KIAA2012: variants seen among roughly 807,000 people sequenced by gnomAD.
KIAA2012 encodes the protein KIAA2012, also known as uncharacterized protein KIAA2012.
Under a neutral mutation model 150.6 loss-of-function variants are expected in KIAA2012, and 125 were observed. The observed-to-expected ratio is 0.83, with a 90% CI of 0.72 to 0.96. The LOEUF is 0.96. KIAA2012 is among the 40% of genes least tolerant of loss of function. The pLI is 0.00. For missense variants in KIAA2012, 1,219 were observed against 1,354.9 expected, an observed-to-expected ratio of 0.90 and a Z score of 1.57; for synonymous variants, 462 against 504.7, an observed-to-expected ratio of 0.92 and a Z score of 1.13.
chr2:202,081,989 T>A (rs1397135873), intron 2 of KIAA2012, among the ~76,000 whole-genome samples: 1 of 152,070 alleles, frequency 6.6e-6, no homozygotes. Context: ...TGAAAAAAAA[T>A]TTCTTTTATT....
rs761018715 is a variant in KIAA2012 at position 202,194,173 on chromosome 2, A to G, written c.3015-17A>G. On this transcript the variant is annotated splice_polypyrimidine_tract_variant and intron_variant, in intron 20 of 23. Transcript: ENST00000498697. ...AGTGTTTTCTGCCATTTCCCTGACC[A>G]TCTTGGGTTTTCTCAGCTTGAGGAA... 23 of 1,550,064 alleles carry G rather than the reference A, an allele frequency of 1.5e-5. No homozygotes were observed. In the East Asian group the frequency reaches 4.2e-4, roughly 28 times the overall value.
At chr2:202,086,521 C>A (rs982524355) in intron 2 of KIAA2012, among the ~76,000 whole-genome samples, 7 of 152,214 alleles carry the variant, frequency 4.6e-5, no homozygotes, top group African/African-American at 1.7e-4. Flanking sequence ...ACCATCCTCT[C>A]TATAATTCTT....
At chr2:202,133,130 A>ATATATTTTTTTTTTTTTTTTTTT (rs1279080237) in intron 12 of KIAA2012, among the ~76,000 whole-genome samples, 3 of 67,774 alleles carry the variant, frequency 4.4e-5, no homozygotes, top group Admixed American at 1.8e-4. Context: ...ATATATATAT[A>ATATATTTTTTTTTTTTTTTTTTT]TTTTTTTTTT....
At chr2:202,112,951 G>A (rs1690410514) in intron 10 of KIAA2012, among the ~76,000 whole-genome samples, 1 of 152,170 alleles carries the variant, frequency 6.6e-6, no homozygotes, top group South Asian at 2.1e-4. Flanking sequence ...GAGGCGGACA[G>A]CAGAGGCAGG....
chr2:202,156,851 C>G (rs1691539182), intron 14 of KIAA2012, among the ~76,000 whole-genome samples: 1 of 152,114 alleles, frequency 6.6e-6, no homozygotes, highest in South Asian at 2.1e-4. Context: ...CGCCACTGCA[C>G]TCCAGCCTGG....
chr2:202,132,692 GTATGTATATATATATGTA>G (rs1690964115), intron 12 of KIAA2012, among the ~76,000 whole-genome samples: 1 of 60,034 alleles, frequency 1.7e-5, no homozygotes, highest in Admixed American at 2.1e-4. Context: ...ATATATATAT[GTATGTATATATATATGTA>G]TATATGTATA....
intron 2 of KIAA2012, among the ~76,000 whole-genome samples, chr2:202,089,052 G>A (rs1280107184): frequency 6.6e-6 from 1 of 152,110 alleles, no homozygotes; most frequent in Non-Finnish European, 1.5e-5. Context: ...GTGCTTTTTG[G>A]ACCCACTTGA....
At chr2:202,083,982 G>T (rs1288666044) in intron 2 of KIAA2012, among the ~76,000 whole-genome samples, 1 of 152,144 alleles carries the variant, frequency 6.6e-6, no homozygotes, top group Non-Finnish European at 1.5e-5. Context: ...AGATAAGTAG[G>T]GTGAGACCTT....
intron 4 of KIAA2012, among the ~76,000 whole-genome samples, chr2:202,094,912 A>G (rs1265339848): frequency 6.6e-6 from 1 of 152,206 alleles, no homozygotes; most frequent in African/African-American, 2.4e-5. Context: ...AGCTGTCACA[A>G]TCAGGCAGAA....
At chr2:202,177,089 CG>C (rs1429318584) in intron 15 of KIAA2012, among the ~76,000 whole-genome samples, 1 of 152,004 alleles carries the variant, frequency 6.6e-6, no homozygotes, top group African/African-American at 2.4e-5. Context: ...ATTTATACAA[CG>C]GAATACTATA....
intron 14 of KIAA2012, among the ~76,000 whole-genome samples, chr2:202,163,045 T>G (rs1691690235): frequency 6.6e-6 from 1 of 152,094 alleles, no homozygotes; most frequent in African/African-American, 2.4e-5. Flanking sequence ...ATTTAGGCTG[T>G]TTCCAATCTG....
chr2:202,171,418 T>C (rs1691889542), intron 15 of KIAA2012, among the ~76,000 whole-genome samples: 1 of 151,970 alleles, frequency 6.6e-6, no homozygotes, highest in African/African-American at 2.4e-5. Context: ...ATGGCTTCAA[T>C]AGCGCCGCTC....
At chr2:202,159,692 A>C (rs996097259) in intron 14 of KIAA2012, among the ~76,000 whole-genome samples, 1 of 152,152 alleles carries the variant, frequency 6.6e-6, no homozygotes, top group Non-Finnish European at 1.5e-5. Flanking sequence ...AATATAAAAA[A>C]TTAGCCGGGC....
chr2:202,100,440 G>A lies in KIAA2012; in HGVS notation c.1146G>A (p.Lys382=). The stretch of plus-strand genomic sequence containing the variant: ...GAATAATCACCCCTGGGGAAGTGAA[G>A]AAGAAAAAGGTTGTGTGTATATGTA... ...GSRIITPGEV[K]KKKAPKALKL... The change falls in exon 7 of 24, where the codon AAG becomes AAA. Residue 382 remains lysine, a synonymous_variant. Coordinates refer to ENST00000498697, the MANE Select transcript of KIAA2012 (RefSeq NM_001277372.4). 5 of 1,549,656 alleles carry A rather than the reference G, an allele frequency of 3.2e-6. No individual in the cohort carries two copies. The highest frequency in any genetic ancestry group is 4.4e-6 in the Non-Finnish European group (5 of 1,146,646).
intron 18 of KIAA2012, among the ~76,000 whole-genome samples, chr2:202,189,211 C>T (rs889293917): frequency 6.6e-6 from 1 of 152,078 alleles, no homozygotes; most frequent in Non-Finnish European, 1.5e-5. Flanking sequence ...AAGCCAGACT[C>T]TCAAGGTATG....
intron 15 of KIAA2012, among the ~76,000 whole-genome samples, chr2:202,182,108 C>CTTTTTTTTTTTTTTTTT (rs754494077): frequency 9.4e-4 from 98 of 104,050 alleles, no homozygotes; most frequent in Middle Eastern, 0.014. Flanking sequence ...TTTCTTTATT[C>CTTTTTTTTTTTTTTTTT]TTTTTTTTTT....
At chr2:202,103,261 TAGA>T (rs1218359168) in intron 8 of KIAA2012, 147 bp downstream of exon 8, 3 of 783,682 alleles carry the variant, frequency 3.8e-6, no homozygotes, top group Admixed American at 3.1e-5. Flanking sequence ...GGATAAAATC[TAGA>T]AGAAGATCTC....
rs1692370758 is a variant in KIAA2012, at chr2:202,194,296, G to C, written c.3121G>C (p.Glu1041Gln). 2 of 1,550,498 alleles carry C rather than the reference G, an allele frequency of 1.3e-6. No homozygotes were observed. The highest frequency in any genetic ancestry group is 1.2e-5 in the South Asian group (1 of 84,064). Residue 1041 changes from glutamate to glutamine, a missense_variant, in exon 21 of 24, where the codon GAG (glutamate) becomes CAG (glutamine). Physicochemically the swap from Glu to Gln is conservative, Grantham distance 29 (BLOSUM62 2). Coordinates refer to ENST00000498697, the MANE Select transcript of KIAA2012 (RefSeq NM_001277372.4). Reference protein sequence around the residue: ...AAQERARQQQEEFRRKLRELQ... With the variant: ...AAQERARQQQQEFRRKLRELQ... ...CCAGGAGAGAGCCCGGCAACAGCAAGAGGAGTTTCGGAGGAAACTGCGAGA... is the reference window on the plus strand; with the variant it reads ...CCAGGAGAGAGCCCGGCAACAGCAACAGGAGTTTCGGAGGAAACTGCGAGA...
At chr2:202,130,141 G>T (rs969815277) in intron 12 of KIAA2012, among the ~76,000 whole-genome samples, 3 of 152,154 alleles carry the variant, frequency 2.0e-5, no homozygotes, top group Non-Finnish European at 4.4e-5. Flanking sequence ...AAAGTGAAGT[G>T]GTCTAACAAT....
Sources: allele counts gnomAD v4.1 joint callset (sites outside exome capture counted in the v4.1 genomes callset), GRCh38; gene constraint gnomAD v4.1.1; transcripts MANE v1.5; gene names NCBI Gene and HGNC (gene_info 2026-07-23, HGNC 2026-07-21).